Variants in GDF1 observed in about 807,000 individuals in gnomAD.
GDF1 encodes embryonic growth/differentiation factor 1.
In GDF1, 8 loss-of-function variants were observed where a neutral mutation model predicts 7.4. The observed-to-expected ratio is 1.09, with a 90% CI of 0.64 to 1.96. GDF1 has a LOEUF of 1.96. GDF1 is among the 30% of genes most tolerant of loss of function. The pLI, the probability that GDF1 is intolerant of heterozygous loss-of-function variation, is 0.00. For synonymous variants in GDF1, 311 were observed against 276.7 expected, an observed-to-expected ratio of 1.12 and a Z score of -1.23; for missense variants, 574 against 551.5, an observed-to-expected ratio of 1.04 and a Z score of -0.41.
intron 3 of GDF1, chr19:18,881,767 C>CTCTGCTAA (rs2056215865): frequency 6.6e-6 from 1 of 151,226 alleles, no homozygotes; most frequent in South Asian, 2.1e-4. Flanking sequence ...TCCTTTCAGT[C>CTCTGCTAA]TCTGCTCATC....
chr19:18,873,136 T>C (rs1299562541), intron 6 of GDF1, among the ~76,000 whole-genome samples: 2 of 152,098 alleles, frequency 1.3e-5, no homozygotes, highest in East Asian at 1.9e-4. Flanking sequence ...TTGCCCCAAA[T>C]TGCTGTCAAC....
rs992418214 is a variant in GDF1, at chr19:18,896,106, G to A, written c.-1356C>T. The A allele has an allele frequency of 7.0e-6, 6 of 862,462 alleles. No homozygotes were observed. Among genetic ancestry groups the A allele is most frequent in the Non-Finnish European group, 8.3e-6 (6 of 720,720 alleles). 53.4% of individuals were successfully genotyped at this position (862,462 alleles called of 1,614,324 possible). A position where few individuals can be genotyped will look rare whatever the true frequency, so the allele number is the denominator to read the frequency against. ...CTCGCCCGCCGTGCCCGTCGCCTGCGCCCGCCCGCGGTAGCCGACGGAGCC... is the reference window on the plus strand; with the variant it reads ...CTCGCCCGCCGTGCCCGTCGCCTGCACCCGCCCGCGGTAGCCGACGGAGCC... On this transcript the variant is annotated 5_prime_UTR_variant, in exon 1 of 8. Coordinates refer to ENST00000247005, the MANE Select transcript of GDF1 (RefSeq NM_001492.6). This position sits in a 1 kb window ranked among gnomAD's most constrained non-coding sequence, Gnocchi z 5.9.
At chr19:18,893,681 T>G in intron 1 of GDF1, 106 bp from the exon 2 acceptor site, 1 of 1,156,456 alleles carries the variant, frequency 8.6e-7, no homozygotes, top group Non-Finnish European at 1.2e-6. Context: ...CGGGCAGCAC[T>G]GGGAAGGCCT....
Position 18,870,302 on chromosome 19 carries a change from T to C in GDF1, c.6A>G (p.Pro2=). ...GGCCGCAGGGACCTTGCTGCGGCGG[T>C]GGCATCTTCCTCCCAGGCGATGACC... M[P]PPQQGPCGHH... is the part of the protein sequence containing the mutation. The change falls in exon 7 of 8, where the codon CCA becomes CCG. Residue 2 remains proline, a synonymous_variant. Transcript: ENST00000247005. The surrounding 1 kb of genome is among the most constrained non-coding windows in gnomAD (Gnocchi z 5.1). 3 of 1,544,752 alleles carry C rather than the reference T, an allele frequency of 1.9e-6. No individual in the cohort carries two copies. Among genetic ancestry groups the C allele is most frequent in the South Asian group, 2.4e-5 (2 of 83,906 alleles).
At chr19:18,891,867 C>T (rs1426457607) in intron 2 of GDF1, among the ~76,000 whole-genome samples, 2 of 151,056 alleles carry the variant, frequency 1.3e-5, no homozygotes, top group Admixed American at 1.3e-4. Flanking sequence ...CAGTGAGCCA[C>T]CACGCCCAGC....
chr19:18,873,542 TA>T (rs991755047), intron 6 of GDF1, among the ~76,000 whole-genome samples: 1 of 151,540 alleles, frequency 6.6e-6, no homozygotes, highest in African/African-American at 2.4e-5. Context: ...ACAAAAATTT[TA>T]AAAATTAGCC....
chr19:18,879,839 C>T (rs1428546372), intron 4 of GDF1, among the ~76,000 whole-genome samples: 2 of 149,190 alleles, frequency 1.3e-5, no homozygotes, highest in Admixed American at 6.7e-5. Flanking sequence ...TCCTTCCCTG[C>T]ACAGCGCCTC....
chr19:18,895,580 C>T lies in GDF1; in HGVS notation c.-1074+244G>A, dbSNP rs576080223. On this transcript the variant is annotated intron_variant, in intron 1 of 7. Coordinates refer to ENST00000247005, the MANE Select transcript of GDF1 (RefSeq NM_001492.6). The surrounding 1 kb of genome is among the most constrained non-coding windows in gnomAD (Gnocchi z 6.4). ...GACTCACCCCAGCCCGGCCACACCCCCGCATCTACCCGGTTCCCCCACGCA... is the reference window on the plus strand; with the variant it reads ...GACTCACCCCAGCCCGGCCACACCCTCGCATCTACCCGGTTCCCCCACGCA... Among the ~76,000 whole-genome samples the T allele has an allele frequency of 1.4e-4, 21 of 151,950 alleles. No individual in the cohort carries two copies. The highest frequency in any genetic ancestry group is 5.1e-4 in the African/African-American group (21 of 41,450).
rs1288147363 is a variant in GDF1 at position 18,870,825 on chromosome 19, T to A, written c.-312-206A>T. On this transcript the variant is annotated intron_variant, in intron 6 of 7. Coordinates refer to ENST00000247005, the MANE Select transcript of GDF1 (RefSeq NM_001492.6). This position sits in a 1 kb window ranked among gnomAD's most constrained non-coding sequence, Gnocchi z 5.1. Reference sequence around the variant, plus strand: ...TCCTTCAACCTGCCCCGTAGGCACGTATGTCCCCCCTGGCACCCTGGCACT... The same window carrying A: ...TCCTTCAACCTGCCCCGTAGGCACGAATGTCCCCCCTGGCACCCTGGCACT... Among the ~76,000 whole-genome samples, 1 of 151,906 alleles carries A rather than the reference T, an allele frequency of 6.6e-6. No homozygotes were observed. The highest frequency in any genetic ancestry group is 1.9e-4 in the East Asian group (1 of 5,172).
At chr19:18,888,225 G>A (rs1240787908) in intron 2 of GDF1, among the ~76,000 whole-genome samples, 1 of 152,002 alleles carries the variant, frequency 6.6e-6, no homozygotes, top group East Asian at 1.9e-4. Flanking sequence ...CAGACATGGT[G>A]ATACACACCT....
chr19:18,882,257 G>C (rs894194203), intron 3 of GDF1, among the ~76,000 whole-genome samples: 14 of 152,190 alleles, frequency 9.2e-5, no homozygotes, highest in Admixed American at 3.3e-4. Context: ...TCCAACATGG[G>C]AGCCACCAGC....
At chr19:18,892,402 C>T (rs1477586553) in intron 2 of GDF1, among the ~76,000 whole-genome samples, 2 of 151,852 alleles carry the variant, frequency 1.3e-5, no homozygotes. Flanking sequence ...ATCATGAGAT[C>T]AGGAGATTGA....
chr19:18,869,828 G>A (rs1372074760), intron 7 of GDF1, among the ~76,000 whole-genome samples, 155 bp downstream of exon 7: 1 of 152,090 alleles, frequency 6.6e-6, no homozygotes, highest in Non-Finnish European at 1.5e-5. Flanking sequence ...CAGATGACGA[G>A]GAAAGGGTGA....
At chr19:18,876,797 G>C (rs953913821) in intron 6 of GDF1, among the ~76,000 whole-genome samples, 3 of 152,158 alleles carry the variant, frequency 2.0e-5, no homozygotes, top group Admixed American at 2.0e-4. Flanking sequence ...ACATTTCCAT[G>C]GCACATGGGT....
intron 7 of GDF1, 37 bp from the exon 8 acceptor site, chr19:18,869,427 G>C (rs746250122): frequency 6.6e-7 from 1 of 1,522,180 alleles, no homozygotes; most frequent in Admixed American, 2.0e-5. Context: ...CTCGCGCTGC[G>C]TCCCCGGCCT....
chr19:18,884,042 G>C (rs773933814), intron 3 of GDF1, 45 bp downstream of exon 3: 5 of 1,585,262 alleles, frequency 3.2e-6, no homozygotes, highest in Non-Finnish European at 4.3e-6. Context: ...TCCGCACTCT[G>C]TGTGGGCTGT....
intron 2 of GDF1, among the ~76,000 whole-genome samples, chr19:18,886,464 A>C (rs1028889768): frequency 3.3e-5 from 5 of 152,106 alleles, no homozygotes; most frequent in Non-Finnish European, 7.4e-5. Flanking sequence ...TGGGAGGATC[A>C]CTTGAGTCCT....
intron 5 of GDF1, 86 bp from the exon 6 acceptor site, chr19:18,879,125 C>T (rs2056127541): frequency 1.3e-6 from 2 of 1,585,702 alleles, no homozygotes; most frequent in Middle Eastern, 1.7e-4. Context: ...GTCCCGGGCC[C>T]TCCACACGGG....
chr19:18,880,129 A>G (rs1197051453), intron 4 of GDF1, 145 bp downstream of exon 4: 3 of 540,244 alleles, frequency 5.6e-6, no homozygotes, highest in Non-Finnish European at 8.3e-6. Context: ...AGTCCCACCC[A>G]AATCATGAGG....
Sources: allele counts gnomAD v4.1 joint callset (sites outside exome capture counted in the v4.1 genomes callset), GRCh38; gene constraint gnomAD v4.1.1; non-coding constraint Gnocchi (gnomAD v3.1); transcripts MANE v1.5; gene names NCBI Gene and HGNC (gene_info 2026-07-23, HGNC 2026-07-21).